The following CRIM1 variants were observed in gnomAD, a reference collection of about 807,000 sequenced individuals.
CRIM1 encodes the protein cysteine-rich motor neuron 1 protein.
In CRIM1, 32 loss-of-function variants were observed where a neutral mutation model predicts 116.4. The ratio of observed to expected loss-of-function variants is 0.27; its 90% CI spans 0.21 to 0.37. The LOEUF is 0.37. Ranked by LOEUF, CRIM1 falls within the 10% of genes least tolerant of loss-of-function variation. CRIM1 has a pLI of 1.00. For synonymous variants in CRIM1, 590 were observed against 509.2 expected (o/e 1.16, Z -2.13); for missense variants, 1,331 against 1,354.8 (o/e 0.98, Z 0.28).
chr2:36,456,945 T>C (rs971297120), intron 4 of CRIM1, among the ~76,000 whole-genome samples: 1 of 152,082 alleles, frequency 6.6e-6, no homozygotes, highest in Admixed American at 6.6e-5. Context: ...ATTGTTAAAT[T>C]CTTATAGGAA....
intron 14 of CRIM1, among the ~76,000 whole-genome samples, chr2:36,543,688 AT>A (rs869081095): frequency 0.022 from 2,915 of 131,078 alleles, 47 homozygotes; most frequent in South Asian, 0.031. Flanking sequence ...AAAAGTTCTG[AT>A]TTTTTTTTTT....
intron 7 of CRIM1, among the ~76,000 whole-genome samples, chr2:36,492,191 C>T (rs551408323): frequency 5.9e-5 from 9 of 152,178 alleles, no homozygotes; most frequent in South Asian, 4.2e-4. Flanking sequence ...CTTCCTTTTC[C>T]GATCACAAAA....
intron 14 of CRIM1, among the ~76,000 whole-genome samples, chr2:36,538,383 G>A (rs986998128): frequency 5.3e-5 from 8 of 152,158 alleles, no homozygotes; most frequent in Admixed American, 2.0e-4. Flanking sequence ...AGACCCAAGT[G>A]AAGGCTCACT....
intron 13 of CRIM1, 74 bp from the exon 14 acceptor site, chr2:36,537,278 T>A: frequency 7.3e-7 from 1 of 1,361,834 alleles, no homozygotes; most frequent in South Asian, 1.2e-5. Context: ...AGCTATCCCT[T>A]GATCTCTCAC....
At chr2:36,379,543 A>G (rs555513861) in intron 1 of CRIM1, among the ~76,000 whole-genome samples, 21 of 152,300 alleles carry the variant, frequency 1.4e-4, no homozygotes, top group African/African-American at 4.8e-4. Context: ...TGCAGAGGTA[A>G]TGTGCAGTCT....
At chr2:36,546,459 T>G (rs1054228049) in intron 15 of CRIM1, among the ~76,000 whole-genome samples, 2 of 152,138 alleles carry the variant, frequency 1.3e-5, no homozygotes, top group East Asian at 1.9e-4. Context: ...TTGCTTAGAG[T>G]TCAGTGAACC....
chr2:36,453,631 C>T (rs976920032), intron 4 of CRIM1, among the ~76,000 whole-genome samples: 2 of 152,158 alleles, frequency 1.3e-5, no homozygotes, highest in Admixed American at 1.3e-4. Context: ...TGTCATGTGC[C>T]AGGCATTGGG....
intron 4 of CRIM1, among the ~76,000 whole-genome samples, chr2:36,451,754 T>A (rs886908496): frequency 1.3e-5 from 2 of 152,200 alleles, no homozygotes; most frequent in African/African-American, 2.4e-5. Flanking sequence ...AGTCAGAGGC[T>A]GTCAACACAG....
intron 16 of CRIM1, among the ~76,000 whole-genome samples, chr2:36,548,183 A>T (rs532139732): frequency 3.9e-5 from 6 of 152,178 alleles, no homozygotes; most frequent in Non-Finnish European, 5.9e-5. Context: ...CTTTGTTTTT[A>T]AAATCTGCCT....
At chr2:36,500,623 T>C (rs372320752) in intron 8 of CRIM1, among the ~76,000 whole-genome samples, 7 of 152,332 alleles carry the variant, frequency 4.6e-5, no homozygotes, top group South Asian at 2.1e-4. Context: ...ATCTCAATAA[T>C]GTGATCTTAT....
intron 9 of CRIM1, 23 bp downstream of exon 9, chr2:36,510,162 A>G: frequency 1.9e-6 from 3 of 1,603,692 alleles, no homozygotes; most frequent in Non-Finnish European, 2.6e-6. Flanking sequence ...TAATTCAGAA[A>G]AGCTATTATG....
intron 1 of CRIM1, among the ~76,000 whole-genome samples, chr2:36,376,835 A>G (rs920627796): frequency 1.3e-5 from 2 of 152,212 alleles, no homozygotes; most frequent in African/African-American, 4.8e-5. Flanking sequence ...ATGAACACCA[A>G]GCTTCTTGGG....
chr2:36,541,377 T>G (rs1666932696), intron 14 of CRIM1, among the ~76,000 whole-genome samples: 3 of 152,332 alleles, frequency 2.0e-5, no homozygotes, highest in Non-Finnish European at 4.4e-5. Flanking sequence ...TTACCATCTT[T>G]GGATATGAGT....
intron 2 of CRIM1, among the ~76,000 whole-genome samples, chr2:36,416,324 A>G (rs1673618135): frequency 6.6e-6 from 1 of 152,180 alleles, no homozygotes; most frequent in Admixed American, 6.5e-5. Context: ...CCTAAATTAT[A>G]AAAGATAACT....
rs774518762 is a variant in CRIM1, at chr2:36,544,327, C to CAAT, written c.2624-47_2624-45dup. Reference sequence around the variant, plus strand: ...TTTGGATTGAGAATACAAAAGCCAACAATACAGCAGCTTCATCATCTCTTA... The same window carrying CAAT: ...TTTGGATTGAGAATACAAAAGCCAACAATAATACAGCAGCTTCATCATCTCTTA... On this transcript the variant is annotated intron_variant, in intron 14 of 16. Coordinates refer to ENST00000280527, the MANE Select transcript of CRIM1 (RefSeq NM_016441.3). The CAAT allele has an allele frequency of 2.3e-6, 3 of 1,315,274 alleles. No homozygotes were observed. The South Asian group carries it at 9.1e-5, about 40-fold the overall frequency. 81.5% of individuals were successfully genotyped at this position (1,315,274 alleles called of 1,614,324 possible).
chr2:36,547,319 A>C (rs906361250), intron 16 of CRIM1, 148 bp downstream of exon 16: 4 of 649,026 alleles, frequency 6.2e-6, no homozygotes, highest in Admixed American at 2.9e-5. Context: ...TATAGTATGA[A>C]TCAAATACAT....
At chr2:36,411,662 T>G (rs1427466939) in intron 2 of CRIM1, among the ~76,000 whole-genome samples, 2 of 150,094 alleles carry the variant, frequency 1.3e-5, no homozygotes, top group African/African-American at 4.9e-5. Context: ...ATCTTATTCT[T>G]TGTGTGTGTG....
intron 4 of CRIM1, among the ~76,000 whole-genome samples, chr2:36,453,721 T>A (rs1331034146): frequency 2.0e-5 from 3 of 152,182 alleles, no homozygotes; most frequent in Admixed American, 1.3e-4. Flanking sequence ...TATAAGTCAT[T>A]GTAGTTTAAA....
chr2:36,505,364 A>AACAAGAG (rs1681318934), intron 8 of CRIM1, among the ~76,000 whole-genome samples: 1 of 150,972 alleles, frequency 6.6e-6, no homozygotes, highest in Non-Finnish European at 1.5e-5. Context: ...ACAAGAGTTA[A>AACAAGAG]GTTCCTACCA....
Sources: gnomAD v4.1 joint callset for allele counts (sites outside exome capture counted in the v4.1 genomes callset) on GRCh38, gnomAD v4.1.1 for gene constraint, MANE v1.5 for transcripts, NCBI Gene and HGNC (gene_info 2026-07-23, HGNC 2026-07-21) for gene names.